ROBO2: variants seen among roughly 807,000 people sequenced by gnomAD.
ROBO2 encodes the protein roundabout guidance receptor 2.
Under a neutral mutation model 160.8 loss-of-function variants are expected in ROBO2, and 53 were observed. The observed-to-expected ratio is 0.33, with a 90% CI of 0.26 to 0.41. The LOEUF is 0.41. Ranked by LOEUF, ROBO2 falls within the 10% of genes least tolerant of loss-of-function variation. The pLI, the probability that ROBO2 is intolerant of heterozygous loss-of-function variation, is 1.00. For missense variants in ROBO2, 1,577 were observed against 1,722.4 expected, an observed-to-expected ratio of 0.92 and a Z score of 1.49; for synonymous variants, 664 against 611.7, an observed-to-expected ratio of 1.09 and a Z score of -1.26.
At chr3:76,713,061 TA>T (rs2093325346) in intron 2 of ROBO2, among the ~76,000 whole-genome samples, 1 of 152,202 alleles carries the variant, frequency 6.6e-6, no homozygotes, top group Non-Finnish European at 1.5e-5. Context: ...AATTGTCTTT[TA>T]AAAACTGACG....
chr3:76,082,814 G>C (rs2068877980), intron 2 of ROBO2, among the ~76,000 whole-genome samples: 1 of 152,002 alleles, frequency 6.6e-6, no homozygotes, highest in South Asian at 2.1e-4. Context: ...TCAGTGACCA[G>C]AACATTGCCT....
In ROBO2 at chr3:76,209,758, G is replaced by A. The variant is rs146738411; in HGVS notation, c.109+272156G>A. Among the ~76,000 whole-genome samples, 232 of 152,168 alleles carry A rather than the reference G, an allele frequency of 1.5e-3. 2 individuals are homozygous for A. Among genetic ancestry groups the A allele is most frequent in the African/African-American group, 5.5e-3 (228 of 41,526 alleles). On this transcript the variant is annotated intron_variant, in intron 2 of 26. Transcript: ENST00000487694. ...CATGGAATTATTTCATAGCAGCTGGGGATTAAACTACACAGGGGTATAGAG... is the reference window on the plus strand; with the variant it reads ...CATGGAATTATTTCATAGCAGCTGGAGATTAAACTACACAGGGGTATAGAG...
At chr3:76,834,170 T>TC (rs2067437720) in intron 2 of ROBO2, among the ~76,000 whole-genome samples, 3 of 140,086 alleles carry the variant, frequency 2.1e-5, no homozygotes, top group Non-Finnish European at 3.1e-5. Context: ...TCTTTCTTTC[T>TC]TTCTCTCTCT....
chr3:76,538,276 A>T (rs2082624897), intron 2 of ROBO2, among the ~76,000 whole-genome samples: 2 of 152,126 alleles, frequency 1.3e-5, no homozygotes, highest in Admixed American at 6.5e-5. Context: ...AAGAAGAAAA[A>T]GTTTCCTCTA....
chr3:76,798,174 GAGAA>G (rs1449957549), intron 2 of ROBO2, among the ~76,000 whole-genome samples: 29 of 119,116 alleles, frequency 2.4e-4, no homozygotes, highest in East Asian at 1.0e-3. Context: ...AAGAAAGGGA[GAGAA>G]AGAAAGAAAG....
intron 5 of ROBO2, among the ~76,000 whole-genome samples, chr3:77,515,530 C>T (rs536830718): frequency 7.2e-4 from 109 of 151,694 alleles, no homozygotes; most frequent in Non-Finnish European, 1.4e-3. Flanking sequence ...AGTACCCAGA[C>T]CATGAGACCT....
chr3:76,264,693 G>C (rs934317323), intron 2 of ROBO2, among the ~76,000 whole-genome samples: 21 of 152,050 alleles, frequency 1.4e-4, no homozygotes, highest in Admixed American at 1.0e-3. Context: ...ACCTAAAGAT[G>C]ATATTTTACT....
At chr3:75,924,681 CTTTTTT>C (rs60599175) in intron 1 of ROBO2, among the ~76,000 whole-genome samples, 9 of 66,014 alleles carry the variant, frequency 1.4e-4, no homozygotes, top group African/African-American at 4.1e-4. Flanking sequence ...ATTTTCTTTT[CTTTTTT>C]TTTTTTTTTT....
intron 2 of ROBO2, among the ~76,000 whole-genome samples, chr3:76,431,113 G>A (rs1175078584): frequency 9.2e-5 from 14 of 152,036 alleles, no homozygotes; most frequent in Admixed American, 7.2e-4. Context: ...GAAAATGTCA[G>A]AATCCTTTAA....
chr3:76,601,796 T>C (rs981338335), intron 2 of ROBO2, among the ~76,000 whole-genome samples: 1 of 152,242 alleles, frequency 6.6e-6, no homozygotes, highest in African/African-American at 2.4e-5. Flanking sequence ...TCATTACTTA[T>C]GCAAATTTCT....
intron 2 of ROBO2, among the ~76,000 whole-genome samples, chr3:77,393,985 T>C (rs1393421328): frequency 6.6e-6 from 1 of 152,174 alleles, no homozygotes; most frequent in African/African-American, 2.4e-5. Flanking sequence ...GACCAAACAG[T>C]GGCAACAGAT....
intron 2 of ROBO2, among the ~76,000 whole-genome samples, chr3:76,444,607 A>G (rs2077079628): frequency 6.6e-6 from 1 of 152,126 alleles, no homozygotes; most frequent in Admixed American, 6.6e-5. Flanking sequence ...AGATTTCGTG[A>G]GAACTCAGTC....
At chr3:76,083,916 AT>A (rs2068922323) in intron 2 of ROBO2, among the ~76,000 whole-genome samples, 1 of 152,112 alleles carries the variant, frequency 6.6e-6, no homozygotes, top group Non-Finnish European at 1.5e-5. Flanking sequence ...TTAGGGAGGA[AT>A]TTGAAAGCCA....
intron 2 of ROBO2, among the ~76,000 whole-genome samples, chr3:76,674,642 A>C (rs1319787982): frequency 6.6e-6 from 1 of 150,642 alleles, no homozygotes; most frequent in Non-Finnish European, 1.5e-5. Context: ...AAACCTGTAG[A>C]AAGTGCAAAT....
intron 2 of ROBO2, among the ~76,000 whole-genome samples, chr3:76,597,489 A>T (rs1361254557): frequency 6.6e-6 from 1 of 152,128 alleles, no homozygotes; most frequent in Non-Finnish European, 1.5e-5. Context: ...TAAATGAAAA[A>T]TAAGCAAAGG....
intron 2 of ROBO2, among the ~76,000 whole-genome samples, chr3:76,075,293 A>G (rs2068609935): frequency 6.6e-6 from 1 of 151,894 alleles, no homozygotes; most frequent in South Asian, 2.1e-4. Flanking sequence ...TGTCCTTATT[A>G]CCAGGAAAGC....
intron 2 of ROBO2, among the ~76,000 whole-genome samples, chr3:76,806,093 TTTGA>T (rs1483152428): frequency 2.0e-5 from 3 of 151,938 alleles, no homozygotes; most frequent in Admixed American, 6.6e-5. Context: ...CTGTTTCCCT[TTTGA>T]TTATGACTGT....
chr3:77,527,388 TTGTA>T lies in ROBO2; in HGVS notation c.934+4487_934+4490del. On this transcript the variant is annotated intron_variant, in intron 6 of 25. Coordinates refer to ENST00000461745, the Ensembl canonical transcript of ROBO2. ...TCTTTTTTATGTTCTCACCACACCA[TTGTA>T]ATGTCTACAGCTCGCCCTGTTGGTA... is the stretch of plus-strand genomic sequence containing the variant. The T allele has an allele frequency of 7.8e-7, 1 of 1,287,944 alleles. No homozygotes were observed. The highest frequency in any genetic ancestry group is 1.2e-5 in the South Asian group (1 of 80,894). 79.8% of individuals were successfully genotyped at this position (1,287,944 alleles called of 1,614,324 possible).
At chr3:77,113,560 A>G (rs2073896333) in intron 2 of ROBO2, among the ~76,000 whole-genome samples, 1 of 152,172 alleles carries the variant, frequency 6.6e-6, no homozygotes, top group African/African-American at 2.4e-5. Flanking sequence ...GAAGTACCCA[A>G]TGGCAATAAC....
Sources: allele counts gnomAD v4.1 joint callset (sites outside exome capture counted in the v4.1 genomes callset), GRCh38; gene constraint gnomAD v4.1.1; transcripts MANE v1.5; gene names NCBI Gene and HGNC (gene_info 2026-07-23, HGNC 2026-07-21).